YIPF5: variants seen among roughly 807,000 people sequenced by gnomAD.
YIPF5 encodes the protein protein YIPF5.
A neutral mutation model predicts 30.4 loss-of-function variants in YIPF5; 8 were observed. The ratio of observed to expected loss-of-function variants is 0.26; its 90% confidence interval spans 0.15 to 0.47. The LOEUF (loss-of-function observed/expected upper bound fraction) is 0.47. Among genes scored for constraint, YIPF5 ranks in the 20% least tolerant of loss-of-function variants. The probability of loss-of-function intolerance (pLI) is 0.99; values close to 1 mark genes in which losing one functional copy is unlikely to be tolerated. For missense variants in YIPF5, 282 were observed against 301.8 expected (o/e 0.93, Z 0.49); for synonymous variants, 104 against 107.9 (o/e 0.96, Z 0.23).
chr5:144,169,866 TC>T lies in YIPF5; in HGVS notation c.89del (p.Gly30GlufsTer26). ...GTTACTTGCTATAGGGTCCTCCACT[TC>T]CTCCATAATCATAGGACTGCTGTGA... The part of the protein sequence containing the change: ...DQSQQSYDYG[G>X]SGGPYSKQYA... On this transcript the variant is annotated frameshift_variant, in exon 2 of 6. Coordinates refer to ENST00000274496, the MANE Select transcript of YIPF5 (RefSeq NM_030799.9). LOFTEE classifies it high-confidence loss of function. 1 of 1,614,170 alleles carries T rather than the reference TC, an allele frequency of 6.2e-7. No homozygotes were observed. The highest frequency in any genetic ancestry group is 8.5e-7 in the Non-Finnish European group (1 of 1,180,000).
chr5:144,158,241 C>A lies in YIPF5; in HGVS notation c.*2156G>T. The A allele has an allele frequency of 2.9e-6, 1 of 342,224 alleles. No individual in the cohort carries two copies. The highest frequency in any genetic ancestry group is 2.4e-5 in the South Asian group (1 of 41,412). 21.2% of individuals were successfully genotyped at this position (342,224 alleles called of 1,614,324 possible). A position where few individuals can be genotyped will look rare whatever the true frequency, so the allele number is the denominator to read the frequency against. ...CAGAGTTTGATAAGAGAAGTTTTGGCTATATACAACTCTGCATGTAATCAA... is the reference window on the plus strand; with the variant it reads ...CAGAGTTTGATAAGAGAAGTTTTGGATATATACAACTCTGCATGTAATCAA... On this transcript the variant is annotated 3_prime_UTR_variant, in exon 6 of 6. Transcript: ENST00000274496.
chr5:144,169,695 C>G (rs1171875211), intron 2 of YIPF5, 151 bp downstream of exon 2: 1 of 658,562 alleles, frequency 1.5e-6, no homozygotes, highest in Non-Finnish European at 2.5e-6. Flanking sequence ...GCCAGTGTCA[C>G]ATATCTCTCT....
chr5:144,169,019 T>TTATGGGAAAGAGGCCCAGTTGTAA (rs1156477419), intron 2 of YIPF5, among the ~76,000 whole-genome samples: 3 of 152,192 alleles, frequency 2.0e-5, no homozygotes, highest in South Asian at 2.1e-4. Context: ...ATGCATGTAT[T>TTATGGGAAAGAGGCCCAGTTGTAA]TATGGGAAAG....
intron 2 of YIPF5, among the ~76,000 whole-genome samples, chr5:144,168,226 G>A (rs1269212860): frequency 6.6e-6 from 1 of 152,100 alleles, no homozygotes; most frequent in Non-Finnish European, 1.5e-5. Context: ...GCTGTGTGGA[G>A]AACTGAAATG....
intron 5 of YIPF5, 151 bp downstream of exon 5, chr5:144,162,067 C>T: frequency 1.3e-6 from 1 of 765,420 alleles, no homozygotes; most frequent in Non-Finnish European, 2.1e-6. Flanking sequence ...TACCATTGTT[C>T]TTCATCCGAA....
At chr5:144,169,710 G>A (rs1752309824) in intron 2 of YIPF5, 136 bp downstream of exon 2, 1 of 722,592 alleles carries the variant, frequency 1.4e-6, no homozygotes, top group African/African-American at 1.8e-5. Flanking sequence ...CTCTCTAGAG[G>A]AAGAAGATTA....
At chr5:144,167,783 A>C (rs965128459) in intron 2 of YIPF5, among the ~76,000 whole-genome samples, 1 of 152,246 alleles carries the variant, frequency 6.6e-6, no homozygotes, top group Non-Finnish European at 1.5e-5. Context: ...TCAAGTTAAA[A>C]ACATAAAGAC....
rs1751997444 is a variant in YIPF5, at chr5:144,160,308, T to C, written c.*89A>G. ...GTCAAATGTAAATCTGCATGAGAGTTGCGCTGCAGCAGTTTGCTGGTCCAA... is the reference window on the plus strand; with the variant it reads ...GTCAAATGTAAATCTGCATGAGAGTCGCGCTGCAGCAGTTTGCTGGTCCAA... On this transcript the variant is annotated 3_prime_UTR_variant, in exon 6 of 6. Coordinates refer to ENST00000274496, the MANE Select transcript of YIPF5 (RefSeq NM_030799.9). 2 of 1,528,032 alleles carry C rather than the reference T, an allele frequency of 1.3e-6. No individual in the cohort carries two copies. Among genetic ancestry groups the C allele is most frequent in the South Asian group, 1.3e-5 (1 of 75,710 alleles). The allele number at this position is 1,528,032 out of a possible 1,614,324, so 94.7% of individuals were successfully genotyped here.
Position 144,158,453 on chromosome 5 carries a change from T to C in YIPF5, c.*1944A>G. The C allele has an allele frequency of 7.8e-7, 1 of 1,275,696 alleles. No individual in the cohort carries two copies. Among genetic ancestry groups the C allele is most frequent in the Non-Finnish European group, 1.0e-6 (1 of 984,386 alleles). 79.0% of individuals were successfully genotyped at this position (1,275,696 alleles called of 1,614,324 possible). ...GGGTAAACAACAAAAAAGAAAATAA[T>C]TTGATCCATATGTGATATTTGGCTG... On this transcript the variant is annotated 3_prime_UTR_variant, in exon 6 of 6. Coordinates refer to ENST00000274496, the MANE Select transcript of YIPF5 (RefSeq NM_030799.9).
chr5:144,158,318 C>G lies in YIPF5; in HGVS notation c.*2079G>C. ...CTGCATAGCTGTTTTGACAGAGCAA[C>G]AGTTAAGCATAAAATAGCTTTGCAC... On this transcript the variant is annotated 3_prime_UTR_variant, in exon 6 of 6. Transcript: ENST00000274496. The G allele has an allele frequency of 1.3e-6, 1 of 753,612 alleles. No individual in the cohort carries two copies. The highest frequency in any genetic ancestry group is 1.6e-5 in the South Asian group (1 of 61,804). 46.7% of individuals were successfully genotyped at this position (753,612 alleles called of 1,614,324 possible).
rs1289856463 is a variant in YIPF5 at position 144,159,019 on chromosome 5, T to A, written c.*1378A>T. 5 of 984,784 alleles carry A rather than the reference T, an allele frequency of 5.1e-6. No homozygotes were observed. In the African/African-American group the frequency reaches 8.7e-5, roughly 17 times the overall value. The allele number at this position is 984,784 out of a possible 1,614,324, so 61.0% of individuals were successfully genotyped here. On this transcript the variant is annotated 3_prime_UTR_variant, in exon 6 of 6. Transcript: ENST00000274496. ...AGACAGTTTTTCTAGAAAAAGCCAA[T>A]GATCAGTATACAAGATACAGTATTT...
rs1282015962 is a variant in YIPF5 at position 144,158,692 on chromosome 5, T to A, written c.*1705A>T. On this transcript the variant is annotated 3_prime_UTR_variant, in exon 6 of 6. Transcript: ENST00000274496. ...AGTTGGAAAGCCTATCAAATTACCTTCCAAATTGCTTTTTTAAAGCAATTT... is the reference window on the plus strand; with the variant it reads ...AGTTGGAAAGCCTATCAAATTACCTACCAAATTGCTTTTTTAAAGCAATTT... The A allele has an allele frequency of 9.8e-7, 1 of 1,018,018 alleles. No individual in the cohort carries two copies. Among genetic ancestry groups the A allele is most frequent in the Admixed American group, 6.1e-5 (1 of 16,486 alleles). The allele number at this position is 1,018,018 out of a possible 1,614,324, so 63.1% of individuals were successfully genotyped here. A position where few individuals can be genotyped will look rare whatever the true frequency, so the allele number is the denominator to read the frequency against.
chr5:144,164,348 T>C, intron 3 of YIPF5, 92 bp from the exon 4 acceptor site: 4 of 1,152,152 alleles, frequency 3.5e-6, no homozygotes, highest in Admixed American at 2.6e-5. Flanking sequence ...CAAAATGACA[T>C]AGCATCAAAA....
At chr5:144,170,422 G>C (rs75809923) in intron 1 of YIPF5, 113 bp downstream of exon 1, 11 of 174,420 alleles carry the variant, frequency 6.3e-5, no homozygotes, top group Non-Finnish European at 1.2e-4. Context: ...GCTTGAATGA[G>C]AGCGAGGGTC....
At chr5:144,161,667 C>T (rs948827709) in intron 5 of YIPF5, among the ~76,000 whole-genome samples, 5 of 152,070 alleles carry the variant, frequency 3.3e-5, no homozygotes, top group African/African-American at 1.2e-4. Context: ...TTTAACCTAA[C>T]CTAAAATATC....
intron 5 of YIPF5, 31 bp from the exon 6 acceptor site, chr5:144,160,590 G>A (rs755485684): frequency 1.2e-5 from 19 of 1,550,594 alleles, no homozygotes; most frequent in African/African-American, 6.9e-5. Flanking sequence ...GGGGGGAGAA[G>A]AAAAAAAAGC....
In YIPF5 at chr5:144,159,328, T is replaced by C; in HGVS notation, c.*1069A>G. ...ATGTACTTTACATTGATAATTGCAATATTGAATTTTGTAAAACTTTAAATA... is the reference window on the plus strand; with the variant it reads ...ATGTACTTTACATTGATAATTGCAACATTGAATTTTGTAAAACTTTAAATA... On this transcript the variant is annotated 3_prime_UTR_variant, in exon 6 of 6. Transcript: ENST00000274496. 1 of 976,714 alleles carries C rather than the reference T, an allele frequency of 1.0e-6. No homozygotes were observed. Among genetic ancestry groups the C allele is most frequent in the South Asian group, 4.7e-5 (1 of 21,094 alleles). 60.5% of individuals were successfully genotyped at this position (976,714 alleles called of 1,614,324 possible).
At position 144,159,112 on chromosome 5, in the gene YIPF5, AT is replaced by A; in HGVS notation, c.*1284del. The A allele has an allele frequency of 1.0e-6, 1 of 981,562 alleles. No individual in the cohort carries two copies. 60.8% of individuals were successfully genotyped at this position (981,562 alleles called of 1,614,324 possible). ...CAAATAAATTTAATACAATAAAATAATGTAACTCAAACTGCTCATTTAATCC... is the reference window on the plus strand; with the variant it reads ...CAAATAAATTTAATACAATAAAATAAGTAACTCAAACTGCTCATTTAATCC... On this transcript the variant is annotated 3_prime_UTR_variant, in exon 6 of 6. Coordinates refer to ENST00000274496, the MANE Select transcript of YIPF5 (RefSeq NM_030799.9).
intron 4 of YIPF5, chr5:144,163,789 G>T: frequency 1.7e-5 from 3 of 177,938 alleles, no homozygotes; most frequent in Non-Finnish European, 2.3e-5. Context: ...AAAAGCAATA[G>T]TGTAAAAACT....
Sources: allele counts gnomAD v4.1 joint callset (sites outside exome capture counted in the v4.1 genomes callset), GRCh38; gene constraint gnomAD v4.1.1; transcripts MANE v1.5; gene names NCBI Gene and HGNC (gene_info 2026-07-23, HGNC 2026-07-21).